The following LSAMP variants were observed in gnomAD, a reference collection of about 807,000 sequenced individuals.
LSAMP encodes the protein limbic system associated membrane protein.
LSAMP carries 7 observed loss-of-function variants against 38.6 expected under a neutral mutation model. That is an observed-to-expected ratio of 0.18 (90% confidence interval 0.10 to 0.34). The LOEUF (loss-of-function observed/expected upper bound fraction) is 0.34. Among genes scored for constraint, LSAMP ranks in the 10% least tolerant of loss-of-function variants. The pLI is 1.00. For synonymous variants in LSAMP, 154 were observed against 166.8 expected (o/e 0.92, Z 0.59); for missense variants, 313 against 420.0 (o/e 0.75, Z 2.23).
intron 6 of LSAMP, among the ~76,000 whole-genome samples, chr3:115,824,726 AAG>A (rs1386846282): frequency 0.014 from 2,156 of 151,832 alleles, 21 homozygotes; most frequent in Non-Finnish European, 0.023. Flanking sequence ...AAAAAAAAAA[AAG>A]AACTAGCTTC....
chr3:116,148,263 C>A (rs1371016594), intron 1 of LSAMP, among the ~76,000 whole-genome samples: 2 of 151,862 alleles, frequency 1.3e-5, no homozygotes, highest in African/African-American at 4.8e-5. Flanking sequence ...ACAAATTAAT[C>A]ATTTAGTGGA....
rs67452614 is a variant in LSAMP at position 116,366,013 on chromosome 3, T to TAAAAAAAAAA, written c.155+78854_155+78863dup. Among the ~76,000 whole-genome samples, 93 of 28,656 alleles carry TAAAAAAAAAA rather than the reference T, an allele frequency of 3.2e-3. 3 individuals carry two copies. Among genetic ancestry groups the TAAAAAAAAAA allele is most frequent in the East Asian group, 5.4e-3 (3 of 558 alleles). 18.8% of individuals were successfully genotyped at this position (28,656 alleles called of 152,430 possible). A position where few individuals can be genotyped will look rare whatever the true frequency, so the allele number is the denominator to read the frequency against. On this transcript the variant is annotated intron_variant, in intron 1 of 6. Coordinates refer to ENST00000490035, the MANE Select transcript of LSAMP (RefSeq NM_002338.5). ...ATGTACCCTAAAACTTAGAGTATAATAAAAAAAAAAAAAAAAAAAAAAAAA... is the reference window on the plus strand; with the variant it reads ...ATGTACCCTAAAACTTAGAGTATAATAAAAAAAAAAAAAAAAAAAAAAAAAAAAAAAAAAA...
intron 1 of LSAMP, among the ~76,000 whole-genome samples, chr3:116,350,982 G>C (rs1010677148): frequency 1.3e-5 from 2 of 151,994 alleles, no homozygotes; most frequent in African/African-American, 4.8e-5. Context: ...TGAGGGTCTT[G>C]AAACATTTCT....
intron 3 of LSAMP, among the ~76,000 whole-genome samples, chr3:116,004,762 T>C (rs1234285956): frequency 6.6e-6 from 1 of 152,132 alleles, no homozygotes; most frequent in Non-Finnish European, 1.5e-5. Flanking sequence ...TCCCTACTGG[T>C]ATCTGGTAGA....
At chr3:116,266,575 G>A (rs549024167) in intron 1 of LSAMP, among the ~76,000 whole-genome samples, 57 of 152,180 alleles carry the variant, frequency 3.7e-4, no homozygotes, top group Admixed American at 8.5e-4. Context: ...GCCCAGTGAT[G>A]GGAGATGAGC....
At chr3:116,051,349 A>G (rs1941392994) in intron 2 of LSAMP, 1 of 152,124 alleles carries the variant, frequency 6.6e-6, no homozygotes, top group Non-Finnish European at 1.5e-5. Flanking sequence ...TTAGTGAGGG[A>G]AAAAAAGAGA....
chr3:116,015,605 A>G (rs1261803992), intron 3 of LSAMP, among the ~76,000 whole-genome samples: 1 of 152,172 alleles, frequency 6.6e-6, no homozygotes, highest in Non-Finnish European at 1.5e-5. Flanking sequence ...AGGCATGCAG[A>G]GAATGCATAA....
chr3:115,924,619 T>G (rs1030163363), intron 3 of LSAMP, among the ~76,000 whole-genome samples: 2 of 152,222 alleles, frequency 1.3e-5, no homozygotes, highest in Non-Finnish European at 2.9e-5. Context: ...GATTATTTCC[T>G]TTTACATAAG....
At chr3:116,276,835 C>T (rs1046334952) in intron 1 of LSAMP, among the ~76,000 whole-genome samples, 1 of 152,120 alleles carries the variant, frequency 6.6e-6, no homozygotes, top group African/African-American at 2.4e-5. Context: ...TCCTAGACAA[C>T]CTGCTGAGAA....
chr3:116,079,591 C>T (rs1419599391), intron 2 of LSAMP, among the ~76,000 whole-genome samples: 1 of 144,804 alleles, frequency 6.9e-6, no homozygotes, highest in Admixed American at 7.2e-5. Flanking sequence ...AGAATCAGGC[C>T]ACTGCGCTCC....
Position 115,841,900 on chromosome 3 carries a change from G to A in LSAMP, c.864C>T (p.Tyr288=), listed in dbSNP as rs1329706054. The part of the protein sequence containing the change: ...TNVTEEHYGN[Y]TCVAANKLGV... ...CCAGCTTGTTGGCAGCCACACAGGT[G>A]TAGTTGCCGTAGTGCTCCTCAGTGA... is the stretch of plus-strand genomic sequence containing the variant. Residue 288 remains tyrosine (Y), a synonymous_variant, in exon 6 of 7, where the codon TAC becomes TAT. Transcript: ENST00000490035. 1.9e-6 allele frequency: 3 copies of A among 1,614,092 alleles called. No homozygotes were observed. In the South Asian group the frequency reaches 3.3e-5, roughly 18 times the overall value.
chr3:115,872,146 A>C (rs1260657600), intron 3 of LSAMP, among the ~76,000 whole-genome samples: 1 of 152,120 alleles, frequency 6.6e-6, no homozygotes, highest in Non-Finnish European at 1.5e-5. Flanking sequence ...TTAGTATTAA[A>C]GATAAAGATA....
At chr3:116,112,702 A>T (rs1708643298) in intron 1 of LSAMP, among the ~76,000 whole-genome samples, 1 of 152,176 alleles carries the variant, frequency 6.6e-6, no homozygotes, top group Non-Finnish European at 1.5e-5. Context: ...CTGAGAATTA[A>T]CAATAACTGG....
At chr3:116,265,850 A>ACAT (rs977079934) in intron 1 of LSAMP, among the ~76,000 whole-genome samples, 1 of 152,328 alleles carries the variant, frequency 6.6e-6, no homozygotes, top group Admixed American at 6.5e-5. Context: ...TAGTCCAATA[A>ACAT]CATCAGTTGT....
intron 2 of LSAMP, among the ~76,000 whole-genome samples, chr3:116,058,092 T>C (rs751234005): frequency 1.3e-5 from 2 of 152,134 alleles, no homozygotes; most frequent in Non-Finnish European, 2.9e-5. Context: ...TTATCTACAA[T>C]GAATATATTT....
intron 3 of LSAMP, among the ~76,000 whole-genome samples, chr3:115,949,153 G>A (rs1938200862): frequency 6.6e-6 from 1 of 152,158 alleles, no homozygotes; most frequent in Admixed American, 6.6e-5. Context: ...CAGCTACTTG[G>A]GTGGCTGAGG....
At chr3:115,910,060 C>T (rs540216895) in intron 3 of LSAMP, among the ~76,000 whole-genome samples, 1 of 152,148 alleles carries the variant, frequency 6.6e-6, no homozygotes, top group East Asian at 1.9e-4. Flanking sequence ...ATTTTTTTCT[C>T]ATTTGATCAT....
chr3:116,117,931 G>A (rs902830753), intron 1 of LSAMP, among the ~76,000 whole-genome samples: 2 of 149,508 alleles, frequency 1.3e-5, no homozygotes, highest in Non-Finnish European at 2.9e-5. Context: ...TATTTATTTC[G>A]TATATCTTTT....
At chr3:116,050,418 T>C (rs1311530391) in intron 2 of LSAMP, among the ~76,000 whole-genome samples, 1 of 152,140 alleles carries the variant, frequency 6.6e-6, no homozygotes, top group Non-Finnish European at 1.5e-5. Context: ...TCCTTTGACA[T>C]TATCCAATTT....
Sources: allele counts gnomAD v4.1 joint callset (sites outside exome capture counted in the v4.1 genomes callset), GRCh38; gene constraint gnomAD v4.1.1; transcripts MANE v1.5; gene names NCBI Gene and HGNC (gene_info 2026-07-23, HGNC 2026-07-21).